Variants in COL18A1 observed in about 807,000 individuals in gnomAD.
COL18A1 encodes collagen alpha-1(XVIII) chain.
In COL18A1, 133 loss-of-function variants were observed where a neutral mutation model predicts 168.0. The observed-to-expected ratio is 0.79, with a 90% CI of 0.69 to 0.91. The LOEUF is 0.91. Ranked by LOEUF, COL18A1 falls within the 40% of genes least tolerant of loss-of-function variation. COL18A1 has a pLI of 0.00. For synonymous variants in COL18A1, 949 were observed against 809.0 expected (o/e 1.17, Z -2.94); for missense variants, 2,126 against 1,925.4 (o/e 1.10, Z -1.95).
chr21:45,443,811 T>C lies in COL18A1; in HGVS notation c.107-24431T>C, dbSNP rs959639841. 7.2e-5 allele frequency among the ~76,000 whole-genome samples: 11 copies of C among 152,182 alleles called. No individual in the cohort carries two copies. Among genetic ancestry groups the C allele is most frequent in the Non-Finnish European group, 1.6e-4 (11 of 68,022 alleles). The stretch of plus-strand genomic sequence containing the variant: ...TGCTGGTGGAGAGGAATAGCTGAGC[T>C]GCAGCACTAAGGAGAGATGCCTGCT... On this transcript the variant is annotated intron_variant, in intron 2 of 41. Transcript: ENST00000651438. This position sits in a 1 kb window ranked among gnomAD's most constrained non-coding sequence, Gnocchi z 5.2.
chr21:45,424,786 G>A (rs1354883665), intron 2 of COL18A1: 1 of 152,324 alleles, frequency 6.6e-6, no homozygotes, highest in East Asian at 1.9e-4. Context: ...CAGTGGCGTG[G>A]GGACCCTGGG....
chr21:45,427,684 G>A (rs569790705), intron 2 of COL18A1, among the ~76,000 whole-genome samples: 6 of 152,220 alleles, frequency 3.9e-5, no homozygotes, highest in East Asian at 1.9e-4. Flanking sequence ...GGACTTTGCC[G>A]TGAGGGGTGG....
chr21:45,428,771 T>G (rs2033876446), intron 2 of COL18A1, among the ~76,000 whole-genome samples: 1 of 152,218 alleles, frequency 6.6e-6, no homozygotes, highest in South Asian at 2.1e-4. Context: ...CGTCGTGGTG[T>G]TGTGCAGACC....
intron 2 of COL18A1, among the ~76,000 whole-genome samples, chr21:45,465,897 T>C (rs1190724039): frequency 1.3e-5 from 2 of 152,060 alleles, no homozygotes; most frequent in Non-Finnish European, 2.9e-5. Flanking sequence ...ATGCAGGACA[T>C]TGGGTGTGGC....
At chr21:45,422,539 G>A (rs1255269595) in intron 2 of COL18A1, 1 of 518,622 alleles carries the variant, frequency 1.9e-6, no homozygotes, top group Admixed American at 2.0e-5. Flanking sequence ...GCCGTGCCAG[G>A]ACCCGGGCAG....
intron 2 of COL18A1, among the ~76,000 whole-genome samples, chr21:45,438,044 T>A (rs2034237311): frequency 1.7e-5 from 2 of 114,740 alleles, no homozygotes; most frequent in South Asian, 3.0e-4. Context: ...ACACAGGCAC[T>A]CTCCTGCACA....
chr21:45,490,346 G>A lies in COL18A1; in HGVS notation c.2031G>A (p.Gln677=). The part of the protein sequence containing the change: ...LPGREGIAGP[Q]GPKGDRGSRG... ...GCAGAGAGGGCATTGCTGGGCCCCA[G>A]GTGAGTTGCCTTGGTGGGCCCAGGG... The change falls in exon 20 of 42, where the codon CAG becomes CAA. Residue 677 remains glutamine (Q), a splice_region_variant and synonymous_variant. Coordinates refer to ENST00000651438, the MANE Select transcript of COL18A1 (RefSeq NM_001379500.1). The A allele has an allele frequency of 6.3e-7, 1 of 1,575,048 alleles. No homozygotes were observed. The highest frequency in any genetic ancestry group is 8.6e-7 in the Non-Finnish European group (1 of 1,160,712).
intron 2 of COL18A1, among the ~76,000 whole-genome samples, chr21:45,444,089 C>G (rs2034453102): frequency 1.3e-5 from 2 of 152,206 alleles, no homozygotes; most frequent in Admixed American, 6.5e-5. Context: ...TCTGTTCGGC[C>G]CCTTCCCCGT....
rs73909562 is a variant in COL18A1 at position 45,454,832 on chromosome 21, A to G, written c.107-13410A>G. On this transcript the variant is annotated intron_variant, in intron 2 of 41. Coordinates refer to ENST00000651438, the MANE Select transcript of COL18A1 (RefSeq NM_001379500.1). The stretch of plus-strand genomic sequence containing the variant: ...GGGGAGACTGAGGCCGGGAAGGAGT[A>G]TGCATTCCTGCCCTGGTCCCGGGCT... 5.4e-3 allele frequency among the ~76,000 whole-genome samples: 822 copies of G among 152,296 alleles called. 12 individuals are homozygous for G. Among genetic ancestry groups the G allele is most frequent in the African/African-American group, 0.019 (796 of 41,554 alleles).
In COL18A1 at chr21:45,505,899, G is replaced by C; in HGVS notation, c.3149G>C (p.Trp1050Ser). The change falls in exon 37 of 42, where the codon TGG becomes TCG. Residue 1050 changes from tryptophan (W) to serine (S), a missense_variant. By Grantham distance (177) the Trp-to-Ser change is radical (BLOSUM62 -3). Coordinates refer to ENST00000651438, the MANE Select transcript of COL18A1 (RefSeq NM_001379500.1). The part of the protein sequence containing the change: ...LGQVHEVPEG[W>S]LIFVAEQEEL... Reference sequence around the variant, plus strand: ...CAGGTGCACGAGGTTCCCGAGGGCTGGCTCATCTTCGTGGCCGAGCAGGAG... The same window carrying C: ...CAGGTGCACGAGGTTCCCGAGGGCTCGCTCATCTTCGTGGCCGAGCAGGAG... 1 of 1,612,950 alleles carries C rather than the reference G, an allele frequency of 6.2e-7. No homozygotes were observed. Among genetic ancestry groups the C allele is most frequent in the Non-Finnish European group, 8.5e-7 (1 of 1,179,968 alleles).
chr21:45,456,594 C>G, intron 2 of COL18A1: 3 of 1,541,982 alleles, frequency 1.9e-6, no homozygotes, highest in Non-Finnish European at 2.6e-6. Flanking sequence ...TTCTGGCTGC[C>G]CAACCACCTC....
At chr21:45,492,830 C>T in intron 24 of COL18A1, 117 bp downstream of exon 24, 1 of 824,682 alleles carries the variant, frequency 1.2e-6, no homozygotes. Context: ...GGGATAGCGA[C>T]AGTCACTGCC....
At chr21:45,430,379 G>C (rs2033923637) in intron 2 of COL18A1, among the ~76,000 whole-genome samples, 2 of 152,218 alleles carry the variant, frequency 1.3e-5, no homozygotes, top group Admixed American at 6.5e-5. Flanking sequence ...TGCTCTGGGA[G>C]GACACAGCCT....
rs1292948078 is a variant in COL18A1, at chr21:45,479,776, C to A, written c.1249-126C>A. ...GCCTGGCGCCCTCGTACTTTCCGGG[C>A]CCCAGAGACTCCCCTGAAGGGCTCA... On this transcript the variant is annotated intron_variant, in intron 9 of 41. Transcript: ENST00000651438. The A allele has an allele frequency of 4.4e-6, 6 of 1,373,498 alleles. No individual in the cohort carries two copies. The Admixed American group carries it at 1.0e-4, about 24-fold the overall frequency. The allele number at this position is 1,373,498 out of a possible 1,614,324, so 85.1% of individuals were successfully genotyped here.
rs373129647 is a variant in COL18A1 at position 45,443,124 on chromosome 21, G to C, written c.107-25118G>C. The stretch of plus-strand genomic sequence containing the variant: ...CGGCGGTGCTGGTGTGGGCGGCGGT[G>C]CTGGTGTGGGCGGCGGTGCTGGTGT... On this transcript the variant is annotated intron_variant, in intron 2 of 41. Coordinates refer to ENST00000651438, the MANE Select transcript of COL18A1 (RefSeq NM_001379500.1). This position sits in a 1 kb window ranked among gnomAD's most constrained non-coding sequence, Gnocchi z 5.2. Among the ~76,000 whole-genome samples the C allele has an allele frequency of 0.027, 2,060 of 77,168 alleles. 60 individuals are homozygous for C. Among genetic ancestry groups the C allele is most frequent in the African/African-American group, 0.097 (1,717 of 17,768 alleles). The allele number at this position is 77,168 out of a possible 152,430, so 50.6% of individuals were successfully genotyped here.
At chr21:45,469,236 T>C (rs995102580) in intron 3 of COL18A1, among the ~76,000 whole-genome samples, 53 of 152,320 alleles carry the variant, frequency 3.5e-4, no homozygotes, top group Admixed American at 1.2e-3. Flanking sequence ...GTCGGGTAAG[T>C]GGGGACCGAG....
At chr21:45,434,468 G>A (rs1359298858) in intron 2 of COL18A1, among the ~76,000 whole-genome samples, 3 of 152,226 alleles carry the variant, frequency 2.0e-5, no homozygotes, top group Non-Finnish European at 4.4e-5. Context: ...GGGGTTTGCA[G>A]CAGTTCTGAG....
At chr21:45,475,434 T>G (rs943372165) in intron 4 of COL18A1, 42 bp from the exon 5 acceptor site, 87 of 1,545,490 alleles carry the variant, frequency 5.6e-5, no homozygotes, top group Non-Finnish European at 7.3e-5. Flanking sequence ...GGGCCTGGCC[T>G]GGCTGCCATC....
Position 45,488,403 on chromosome 21 carries a change from C to T in COL18A1, c.1897-15C>T, listed in dbSNP as rs750753835. On this transcript the variant is annotated splice_polypyrimidine_tract_variant and intron_variant, in intron 17 of 41. Coordinates refer to ENST00000651438, the MANE Select transcript of COL18A1 (RefSeq NM_001379500.1). ...CTCCAGCTGCACTAACACTGTGTCT[C>T]CTCTGCCCTGACAGGGACCTCCCGG... The T allele has an allele frequency of 4.3e-6, 7 of 1,613,718 alleles. No individual in the cohort carries two copies. The highest frequency in any genetic ancestry group is 3.3e-5 in the Admixed American group (2 of 60,012).
Sources: gnomAD v4.1 joint callset for allele counts (sites outside exome capture counted in the v4.1 genomes callset) on GRCh38, gnomAD v4.1.1 for gene constraint, Gnocchi (gnomAD v3.1) non-coding constraint, MANE v1.5 for transcripts, NCBI Gene and HGNC (gene_info 2026-07-23, HGNC 2026-07-21) for gene names.